The following LRMDA variants were observed in gnomAD, a reference collection of about 807,000 sequenced individuals.
LRMDA encodes the protein leucine-rich melanocyte differentiation-associated protein.
In LRMDA, 18 loss-of-function variants were observed where a neutral mutation model predicts 29.8. The ratio of observed to expected loss-of-function variants is 0.60; its 90% CI spans 0.42 to 0.90. LRMDA has a LOEUF of 0.90. Among genes scored for constraint, LRMDA ranks in the 40% least tolerant of loss-of-function variants. The pLI is 0.00. For synonymous variants in LRMDA, 125 were observed against 109.4 expected, an observed-to-expected ratio of 1.14 and a Z score of -0.89; for missense variants, 273 against 273.9, an observed-to-expected ratio of 1.00 and a Z score of 0.02.
chr10:76,529,033 A>G (rs1385270595), intron 6 of LRMDA, among the ~76,000 whole-genome samples: 1 of 152,150 alleles, frequency 6.6e-6, no homozygotes, highest in African/African-American at 2.4e-5. Context: ...GCCATTCAAC[A>G]GCAGGTTGAC....
At chr10:75,566,654 A>C (rs148508055) in intron 2 of LRMDA, among the ~76,000 whole-genome samples, 32 of 151,966 alleles carry the variant, frequency 2.1e-4, no homozygotes, top group Admixed American at 5.2e-4. Context: ...TTCTCTATCC[A>C]GTTTGCTGGC....
chr10:76,001,160 G>A (rs1019440580), intron 2 of LRMDA, among the ~76,000 whole-genome samples: 1 of 152,146 alleles, frequency 6.6e-6, no homozygotes, highest in Non-Finnish European at 1.5e-5. Flanking sequence ...GCATTGTCTG[G>A]TTGTTCTTCC....
chr10:76,013,279 A>G (rs1340327911), intron 2 of LRMDA, among the ~76,000 whole-genome samples: 1 of 151,888 alleles, frequency 6.6e-6, no homozygotes, highest in East Asian at 1.9e-4. Flanking sequence ...TCCCAATTAC[A>G]TAATAAGATG....
intron 3 of LRMDA, among the ~76,000 whole-genome samples, chr10:76,041,257 C>T (rs1848334014): frequency 6.6e-6 from 1 of 152,166 alleles, no homozygotes; most frequent in South Asian, 2.1e-4. Flanking sequence ...GGTGATGGCA[C>T]CTGTGCTGTC....
At chr10:75,541,598 T>C (rs559209780) in intron 2 of LRMDA, among the ~76,000 whole-genome samples, 40 of 152,226 alleles carry the variant, frequency 2.6e-4, no homozygotes, top group Admixed American at 1.5e-3. Context: ...GAGGAATACA[T>C]AGTGTTTGTT....
intron 5 of LRMDA, among the ~76,000 whole-genome samples, chr10:76,195,711 ATAT>A (rs779996450): frequency 1.1e-3 from 170 of 152,344 alleles, no homozygotes; most frequent in African/African-American, 3.8e-3. Context: ...AGCAGCCGAC[ATAT>A]TGTTGACTGA....
At chr10:76,311,752 C>G (rs1005457692) in intron 5 of LRMDA, among the ~76,000 whole-genome samples, 2 of 152,148 alleles carry the variant, frequency 1.3e-5, no homozygotes, top group Admixed American at 1.3e-4. Context: ...AATATACTTG[C>G]ATTTACTCCT....
At chr10:76,476,020 G>A (rs1312733013) in intron 6 of LRMDA, among the ~76,000 whole-genome samples, 1 of 152,086 alleles carries the variant, frequency 6.6e-6, no homozygotes, top group African/African-American at 2.4e-5. Flanking sequence ...ACATTCAAAA[G>A]CTAGCAGAAG....
At chr10:75,622,586 A>G (rs1050732041) in intron 2 of LRMDA, among the ~76,000 whole-genome samples, 2 of 152,220 alleles carry the variant, frequency 1.3e-5, no homozygotes, top group Admixed American at 1.3e-4. Context: ...CACTGAAACT[A>G]ATAAAGATAT....
chr10:76,162,566 G>A (rs1367618500), intron 5 of LRMDA, among the ~76,000 whole-genome samples: 3 of 152,164 alleles, frequency 2.0e-5, no homozygotes, highest in Non-Finnish European at 4.4e-5. Flanking sequence ...AGGGGAGCAG[G>A]TGGATAGTGG....
intron 2 of LRMDA, among the ~76,000 whole-genome samples, chr10:75,922,554 T>C (rs1490154653): frequency 6.6e-6 from 1 of 152,192 alleles, no homozygotes. Context: ...TAGCTTCTCC[T>C]CCTTACCTTA....
intron 2 of LRMDA, among the ~76,000 whole-genome samples, chr10:75,967,089 G>C (rs1311511924): frequency 6.6e-6 from 1 of 152,190 alleles, no homozygotes; most frequent in African/African-American, 2.4e-5. Flanking sequence ...TCCTTGAGGT[G>C]TTGGGGTTTG....
intron 5 of LRMDA, among the ~76,000 whole-genome samples, chr10:76,062,517 T>G (rs1219626907): frequency 1.3e-5 from 2 of 152,174 alleles, no homozygotes; most frequent in African/African-American, 4.8e-5. Flanking sequence ...GACACATTTC[T>G]CCTCCGTGGC....
intron 2 of LRMDA, among the ~76,000 whole-genome samples, chr10:75,566,194 T>G (rs1840370108): frequency 6.6e-6 from 1 of 152,254 alleles, no homozygotes; most frequent in South Asian, 2.1e-4. Context: ...CTTTTGATTC[T>G]TGATTCCCAC....
chr10:75,577,419 A>T (rs988396507), intron 2 of LRMDA, among the ~76,000 whole-genome samples: 1 of 152,192 alleles, frequency 6.6e-6, no homozygotes, highest in Non-Finnish European at 1.5e-5. Context: ...ATTGATTGGT[A>T]TACCTGAAAG....
At chr10:75,982,929 A>T (rs1359096587) in intron 2 of LRMDA, among the ~76,000 whole-genome samples, 1 of 152,202 alleles carries the variant, frequency 6.6e-6, no homozygotes, top group African/African-American at 2.4e-5. Flanking sequence ...CAAGGAGCAC[A>T]TTCATATCCC....
At chr10:75,708,803 T>G (rs1842401692) in intron 2 of LRMDA, among the ~76,000 whole-genome samples, 1 of 152,152 alleles carries the variant, frequency 6.6e-6, no homozygotes, top group African/African-American at 2.4e-5. Flanking sequence ...CCCCACCCAG[T>G]TTTGTCTGCT....
chr10:75,804,851 C>A (rs1176880193), intron 2 of LRMDA, among the ~76,000 whole-genome samples: 1 of 152,208 alleles, frequency 6.6e-6, no homozygotes, highest in East Asian at 1.9e-4. Context: ...GCCATTTTCC[C>A]TGTGCATGAG....
intron 6 of LRMDA, among the ~76,000 whole-genome samples, chr10:76,377,038 A>G (rs1379188266): frequency 6.6e-6 from 1 of 151,414 alleles, no homozygotes; most frequent in Admixed American, 6.6e-5. Context: ...AGTGCCTGCC[A>G]CCACACCTGG....
Sources: allele counts gnomAD v4.1 joint callset (sites outside exome capture counted in the v4.1 genomes callset), GRCh38; gene constraint gnomAD v4.1.1; transcripts MANE v1.5; gene names NCBI Gene and HGNC (gene_info 2026-07-23, HGNC 2026-07-21).